DMRT1: variants seen among roughly 807,000 people sequenced by gnomAD.
DMRT1 encodes doublesex- and mab-3-related transcription factor 1.
In DMRT1, 7 loss-of-function variants were observed where a neutral mutation model predicts 32.3. The observed-to-expected ratio is 0.22, with a 90% CI of 0.12 to 0.41. DMRT1 has a LOEUF of 0.41. DMRT1 is among the 10% of genes least tolerant of loss of function. The probability of loss-of-function intolerance (pLI) is 1.00; values close to 1 mark genes in which losing one functional copy is unlikely to be tolerated. For synonymous variants in DMRT1, 278 were observed against 206.1 expected, an observed-to-expected ratio of 1.35 and a Z score of -2.99; for missense variants, 625 against 500.5, an observed-to-expected ratio of 1.25 and a Z score of -2.37.
In DMRT1 at chr9:936,649, A is replaced by T. The variant is rs538376345; in HGVS notation, c.967+19742A>T. On this transcript the variant is annotated intron_variant, in intron 4 of 4. Transcript: ENST00000382276. ...GCGCCAGCAATCCCAGCTACTCGGG[A>T]GGCTGAGGCAATGAGAATCGCTTGA... Among the ~76,000 whole-genome samples the T allele has an allele frequency of 1.2e-3, 188 of 151,780 alleles. 1 individual carries two copies. The highest frequency in any genetic ancestry group is 4.5e-3 in the African/African-American group (184 of 41,326).
At chr9:880,467 C>A (rs974984171) in intron 2 of DMRT1, among the ~76,000 whole-genome samples, 2 of 152,066 alleles carry the variant, frequency 1.3e-5, no homozygotes, top group African/African-American at 4.8e-5. Flanking sequence ...TGGCTTACAC[C>A]TGTAATCCCA....
intron 1 of DMRT1, among the ~76,000 whole-genome samples, chr9:844,450 C>A (rs1306671046): frequency 6.6e-6 from 1 of 152,032 alleles, no homozygotes; most frequent in East Asian, 1.9e-4. Context: ...TTTGGATGTG[C>A]TTCAGAGGTT....
At position 968,413 on chromosome 9, in the gene DMRT1, A is replaced by G; in HGVS notation, c.*274A>G. ...ACTGGTTTCATGTAGTTTTCAAGAA[A>G]TAAAAGAATTCATTCAAGTGAAGCC... On this transcript the variant is annotated 3_prime_UTR_variant, in exon 5 of 5. Transcript: ENST00000382276. 1 of 392,368 alleles carries G rather than the reference A, an allele frequency of 2.5e-6. No homozygotes were observed. The highest frequency in any genetic ancestry group is 7.3e-4 in the Middle Eastern group (1 of 1,370). 24.3% of individuals were successfully genotyped at this position (392,368 alleles called of 1,614,324 possible).
chr9:915,092 C>G (rs55662673), intron 3 of DMRT1, among the ~76,000 whole-genome samples: 8 of 152,198 alleles, frequency 5.3e-5, no homozygotes, highest in East Asian at 1.9e-4. Context: ...TTTGAAATTA[C>G]TCATATTTCT....
intron 2 of DMRT1, among the ~76,000 whole-genome samples, chr9:861,050 CTTT>C (rs140608243): frequency 0.25 from 30,611 of 121,344 alleles, 3,612 homozygotes; most frequent in East Asian, 0.47. Context: ...AATTTACTTT[CTTT>C]TTTTTTTTTT....
chr9:968,366 T>C lies in DMRT1; in HGVS notation c.*227T>C. On this transcript the variant is annotated 3_prime_UTR_variant, in exon 5 of 5. Transcript: ENST00000382276. ...TGCTTTACTCACGGAGTTTAAATAA[T>C]AGTGTTCATTTTTTTAATGACACTG... is the stretch of plus-strand genomic sequence containing the variant. The C allele has an allele frequency of 1.9e-6, 1 of 525,174 alleles. No homozygotes were observed. The highest frequency in any genetic ancestry group is 1.9e-5 in the African/African-American group (1 of 52,616). The allele number at this position is 525,174 out of a possible 1,614,324, so 32.5% of individuals were successfully genotyped here.
intron 4 of DMRT1, among the ~76,000 whole-genome samples, chr9:939,156 C>G (rs7856742): frequency 6.6e-6 from 1 of 152,104 alleles, no homozygotes; most frequent in Non-Finnish European, 1.5e-5. Context: ...TGGATCCTGA[C>G]CTAGCCCTGC....
chr9:900,577 C>G (rs1037245369), intron 3 of DMRT1, among the ~76,000 whole-genome samples: 4 of 151,678 alleles, frequency 2.6e-5, no homozygotes, highest in Admixed American at 1.3e-4. Flanking sequence ...AAACCTGGCT[C>G]TCAGGAGACA....
chr9:878,676 T>G (rs1419475952), intron 2 of DMRT1, among the ~76,000 whole-genome samples: 1 of 152,134 alleles, frequency 6.6e-6, no homozygotes, highest in African/African-American at 2.4e-5. Flanking sequence ...CAAGGATAAC[T>G]TTGTGCGGAG....
intron 4 of DMRT1, among the ~76,000 whole-genome samples, chr9:955,344 C>T (rs1485149055): frequency 6.6e-6 from 1 of 152,070 alleles, no homozygotes; most frequent in East Asian, 1.9e-4. Context: ...AAAATAGAGA[C>T]AGGACAGTAG....
chr9:961,279 G>A (rs757408289), intron 4 of DMRT1, among the ~76,000 whole-genome samples: 1 of 152,092 alleles, frequency 6.6e-6, no homozygotes, highest in East Asian at 1.9e-4. Flanking sequence ...TCCTCAGAAC[G>A]CAAGCCTCGT....
At chr9:966,200 A>T (rs140034024) in intron 4 of DMRT1, among the ~76,000 whole-genome samples, 1 of 152,258 alleles carries the variant, frequency 6.6e-6, no homozygotes, top group South Asian at 2.1e-4. Flanking sequence ...TTAAATGCAT[A>T]TAACAATACA....
chr9:923,715 C>T (rs1277620589), intron 4 of DMRT1, among the ~76,000 whole-genome samples: 1 of 152,132 alleles, frequency 6.6e-6, no homozygotes, highest in Non-Finnish European at 1.5e-5. Context: ...ATGCATCCTG[C>T]CCTGAGCTGT....
intron 4 of DMRT1, among the ~76,000 whole-genome samples, chr9:940,578 A>C (rs1388636810): frequency 6.6e-6 from 1 of 152,212 alleles, no homozygotes; most frequent in Non-Finnish European, 1.5e-5. Context: ...TAAATGCAGG[A>C]CCTAAAATTA....
chr9:941,338 C>CCCA (rs1554760857), intron 4 of DMRT1, among the ~76,000 whole-genome samples: 66 of 135,604 alleles, frequency 4.9e-4, no homozygotes, highest in African/African-American at 1.9e-3. Context: ...CTCCCCCCCC[C>CCCA]CACACATATG....
At chr9:966,744 TA>T (rs765966060) in intron 4 of DMRT1, among the ~76,000 whole-genome samples, 39 of 152,348 alleles carry the variant, frequency 2.6e-4, no homozygotes, top group Admixed American at 4.6e-4. Context: ...TGTTCAGTTG[TA>T]AAAAGGTCTC....
intron 3 of DMRT1, among the ~76,000 whole-genome samples, chr9:906,763 G>T (rs1417944378): frequency 3.9e-5 from 6 of 152,156 alleles, no homozygotes; most frequent in African/African-American, 1.4e-4. Flanking sequence ...AAAGCTAAAG[G>T]CAGCAAAGTA....
rs939989302 is a variant in DMRT1 at position 841,780 on chromosome 9, C to G, written c.-59C>G. The G allele has an allele frequency of 2.2e-5, 34 of 1,560,742 alleles. No individual in the cohort carries two copies. The highest frequency in any genetic ancestry group is 9.5e-6 in the Non-Finnish European group (11 of 1,153,382). ...GTCGCTGTCCGTCGGGTTCATCCCTCGCAGCAGTCTCCAGGCGAGAGAGGG... is the reference window on the plus strand; with the variant it reads ...GTCGCTGTCCGTCGGGTTCATCCCTGGCAGCAGTCTCCAGGCGAGAGAGGG... On this transcript the variant is annotated 5_prime_UTR_variant, in exon 1 of 5. Transcript: ENST00000382276.
At chr9:847,389 G>A (rs1283946616) in intron 2 of DMRT1, among the ~76,000 whole-genome samples, 2 of 152,218 alleles carry the variant, frequency 1.3e-5, no homozygotes, top group Non-Finnish European at 2.9e-5. Flanking sequence ...GACAGAGAAT[G>A]ATGTTAGAGA....
Sources: gnomAD v4.1 joint callset for allele counts (sites outside exome capture counted in the v4.1 genomes callset) on GRCh38, gnomAD v4.1.1 for gene constraint, MANE v1.5 for transcripts, NCBI Gene and HGNC (gene_info 2026-07-23, HGNC 2026-07-21) for gene names.